Variants in PIK3R6 observed in about 807,000 individuals in gnomAD.
The protein encoded by PIK3R6 is phosphoinositide-3-kinase regulatory subunit 6.
A neutral mutation model predicts 84.9 loss-of-function variants in PIK3R6; 91 were observed. The observed-to-expected ratio is 1.07, with a 90% CI of 0.90 to 1.28. PIK3R6 has a LOEUF of 1.28. Ranked by LOEUF, PIK3R6 falls within the 50% of genes most tolerant of loss-of-function variation. The probability of loss-of-function intolerance (pLI) is 0.00; values close to 1 mark genes in which losing one functional copy is unlikely to be tolerated. For synonymous variants in PIK3R6, 416 were observed against 411.4 expected (o/e 1.01, Z -0.13); for missense variants, 996 against 985.1 (o/e 1.01, Z -0.15).
At position 8,832,127 on chromosome 17, in the gene PIK3R6, T is replaced by C. The variant is rs575126863; in HGVS notation, c.802+762A>G. On this transcript the variant is annotated intron_variant, in intron 9 of 19. Transcript: ENST00000619866. Reference sequence around the variant, plus strand: ...GTGAACTAGACAGCCTGGATTTGTATCTTGGCTTTGCCATTTACTGCCTTG... The same window carrying C: ...GTGAACTAGACAGCCTGGATTTGTACCTTGGCTTTGCCATTTACTGCCTTG... Among the ~76,000 whole-genome samples the C allele has an allele frequency of 3.9e-5, 6 of 152,330 alleles. No homozygotes were observed. In the East Asian group the frequency reaches 1.2e-3, roughly 29 times the overall value.
At chr17:8,822,860 G>A in intron 15 of PIK3R6, 136 bp downstream of exon 15, 1 of 962,652 alleles carries the variant, frequency 1.0e-6, no homozygotes, top group Non-Finnish European at 1.6e-6. Context: ...TTGGCATTCA[G>A]CAGAGGTAGG....
intron 1 of PIK3R6, among the ~76,000 whole-genome samples, chr17:8,867,069 C>G (rs188249912): frequency 2.0e-5 from 3 of 152,166 alleles, no homozygotes; most frequent in South Asian, 2.1e-4. Context: ...TCCTTGCTAA[C>G]CCACTCTGCA....
chr17:8,822,730 G>C, intron 15 of PIK3R6, 73 bp from the exon 16 acceptor site: 1 of 1,470,808 alleles, frequency 6.8e-7, no homozygotes, highest in Non-Finnish European at 9.4e-7. Context: ...ACCTCTCTGA[G>C]GGCAGGAGCT....
At chr17:8,834,401 T>G (rs988102590) in intron 8 of PIK3R6, among the ~76,000 whole-genome samples, 9 of 151,876 alleles carry the variant, frequency 5.9e-5, no homozygotes, top group African/African-American at 1.9e-4. Context: ...GGTTCTTGTA[T>G]TTTTATTTTT....
At chr17:8,855,307 T>A (rs1414888936) in intron 1 of PIK3R6, among the ~76,000 whole-genome samples, 2 of 149,058 alleles carry the variant, frequency 1.3e-5, no homozygotes, top group African/African-American at 4.9e-5. Context: ...GCAAATCACA[T>A]CTGACAAAGA....
Position 8,828,631 on chromosome 17 carries a change from G to A in PIK3R6, c.1249C>T (p.Arg417Trp), listed in dbSNP as rs766884110. 3 of 1,613,328 alleles carry A rather than the reference G, an allele frequency of 1.9e-6. No homozygotes were observed. Among genetic ancestry groups the A allele is most frequent in the Admixed American group, 1.7e-5 (1 of 59,972 alleles). ...CTGTCATCTCCGAGCACAAGTACCC[G>A]GGCTGTGTGCAGCCGGGACACGCCG... ...LPGVSRLHTA[R>W]VLVLGDDRML... The change falls in exon 11 of 20, where the codon CGG becomes TGG. Residue 417 changes from arginine (R) to tryptophan (W), a missense_variant. Transcript: ENST00000619866.
intron 2 of PIK3R6, 75 bp downstream of exon 2, chr17:8,849,707 C>T: frequency 1.3e-6 from 2 of 1,508,332 alleles, no homozygotes; most frequent in South Asian, 2.6e-5. Context: ...GCCCTAGAGG[C>T]ATCCTCACCC....
rs919741640 is a variant in PIK3R6 at position 8,844,454 on chromosome 17, A to C, written c.14-4757T>G. Among the ~76,000 whole-genome samples the C allele has an allele frequency of 5.9e-5, 9 of 152,182 alleles. No homozygotes were observed. Among genetic ancestry groups the C allele is most frequent in the African/African-American group, 1.9e-4 (8 of 41,440 alleles). ...AGAAATGGGATATTTCCTGTGACTCAAGTGGCTCAGCATTGTTCACATATG... is the reference window on the plus strand; with the variant it reads ...AGAAATGGGATATTTCCTGTGACTCCAGTGGCTCAGCATTGTTCACATATG... On this transcript the variant is annotated intron_variant, in intron 2 of 19. Coordinates refer to ENST00000619866, the MANE Select transcript of PIK3R6 (RefSeq NM_001010855.4). The surrounding 1 kb of genome is among the most constrained non-coding windows in gnomAD (Gnocchi z 4.5).
At chr17:8,824,442 T>C (rs570132347) in intron 13 of PIK3R6, among the ~76,000 whole-genome samples, 1 of 152,198 alleles carries the variant, frequency 6.6e-6, no homozygotes, top group Non-Finnish European at 1.5e-5. Flanking sequence ...GTTGATCTCA[T>C]CCAACTCATA....
Position 8,853,708 on chromosome 17 carries a change from A to C in PIK3R6, c.-91-3823T>G, listed in dbSNP as rs150936705. ...GCCAGGCACAGTGGCTCACATCTGT[A>C]ATCCCGGCACTTTGGGAGGCCAAGG... is the stretch of plus-strand genomic sequence containing the variant. On this transcript the variant is annotated intron_variant, in intron 1 of 19. Transcript: ENST00000619866. Among the ~76,000 whole-genome samples, 1,490 of 151,978 alleles carry C rather than the reference A, an allele frequency of 9.8e-3. 24 individuals are homozygous for C. The highest frequency in any genetic ancestry group is 0.034 in the African/African-American group (1,395 of 41,474).
chr17:8,843,623 C>T (rs2088743979), intron 2 of PIK3R6, among the ~76,000 whole-genome samples: 1 of 151,332 alleles, frequency 6.6e-6, no homozygotes, highest in Admixed American at 6.6e-5. Context: ...TTTGTTTGGG[C>T]TTGTATAGTG....
chr17:8,823,976 A>G (rs1285830805), intron 13 of PIK3R6, among the ~76,000 whole-genome samples: 1 of 152,232 alleles, frequency 6.6e-6, no homozygotes, highest in Non-Finnish European at 1.5e-5. Flanking sequence ...GCATCTATTA[A>G]TAAACTAATT....
intron 9 of PIK3R6, among the ~76,000 whole-genome samples, chr17:8,831,701 G>C (rs771124953): frequency 9.2e-5 from 14 of 152,178 alleles, no homozygotes; most frequent in Non-Finnish European, 1.6e-4. Flanking sequence ...AACCTCTTCC[G>C]GTGGATTCCA....
At chr17:8,812,029 G>A (rs971640445) in intron 18 of PIK3R6, among the ~76,000 whole-genome samples, 5 of 152,182 alleles carry the variant, frequency 3.3e-5, no homozygotes, top group African/African-American at 1.2e-4. Flanking sequence ...CCACATGGCT[G>A]GGGAGGCCTC....
At chr17:8,813,374 G>A (rs2087421764) in intron 18 of PIK3R6, among the ~76,000 whole-genome samples, 1 of 152,110 alleles carries the variant, frequency 6.6e-6, no homozygotes, top group Non-Finnish European at 1.5e-5. Context: ...ACATTGAGAA[G>A]AAGGGAATCC....
chr17:8,854,570 A>G (rs1265109634), intron 1 of PIK3R6, among the ~76,000 whole-genome samples: 4 of 152,260 alleles, frequency 2.6e-5, no homozygotes, highest in Admixed American at 2.0e-4. Flanking sequence ...GATTTTTGAT[A>G]AAGTTGTAAA....
In PIK3R6 at chr17:8,814,215, C is replaced by CTTTTTTTTTTTTTT. The variant is rs112750429; in HGVS notation, c.1995+4854_1995+4867dup. 2.1e-3 allele frequency among the ~76,000 whole-genome samples: 179 copies of CTTTTTTTTTTTTTT among 85,530 alleles called. 15 individuals carry two copies. Among genetic ancestry groups the CTTTTTTTTTTTTTT allele is most frequent in the African/African-American group, 8.4e-3 (173 of 20,610 alleles). The allele number at this position is 85,530 out of a possible 152,430, so 56.1% of individuals were successfully genotyped here. A position where few individuals can be genotyped will look rare whatever the true frequency, so the allele number is the denominator to read the frequency against. On this transcript the variant is annotated intron_variant, in intron 18 of 19. Transcript: ENST00000619866. ...TCCACTCTTTAGTTCAGAGAGAGATCTTTTTTTTTTTTTTTTTTTTTTGAG... is the reference window on the plus strand; with the variant it reads ...TCCACTCTTTAGTTCAGAGAGAGATCTTTTTTTTTTTTTTTTTTTTTTTTTTTTTTTTTTTTGAG...
rs2089315837 is a variant in PIK3R6, at chr17:8,862,889, T to C, written c.-92+4640A>G. 6.6e-6 allele frequency among the ~76,000 whole-genome samples: 1 copy of C among 152,206 alleles called. No homozygotes were observed. Among genetic ancestry groups the C allele is most frequent in the South Asian group, 2.1e-4 (1 of 4,830 alleles). ...TCCTGTGGTCACTCCCCACCCACTGTGCCCACTCACTTACACTGCCCACAG... is the reference window on the plus strand; with the variant it reads ...TCCTGTGGTCACTCCCCACCCACTGCGCCCACTCACTTACACTGCCCACAG... On this transcript the variant is annotated intron_variant, in intron 1 of 19. Transcript: ENST00000619866. The surrounding 1 kb of genome is among the most constrained non-coding windows in gnomAD (Gnocchi z 4.3).
intron 6 of PIK3R6, 44 bp downstream of exon 6, chr17:8,836,747 T>A (rs758561931): frequency 6.2e-7 from 1 of 1,610,792 alleles, no homozygotes; most frequent in Non-Finnish European, 8.5e-7. Context: ...CTGGGCAATG[T>A]TGGAGGTGCA....
Sources: gnomAD v4.1 joint callset for allele counts (sites outside exome capture counted in the v4.1 genomes callset) on GRCh38, gnomAD v4.1.1 for gene constraint, Gnocchi (gnomAD v3.1) non-coding constraint, MANE v1.5 for transcripts, NCBI Gene and HGNC (gene_info 2026-07-23, HGNC 2026-07-21) for gene names.